The following HELZ2 variants were observed in gnomAD, a reference collection of about 807,000 sequenced individuals.
HELZ2 encodes 3'-5' exoribonuclease HELZ2.
In HELZ2, 143 loss-of-function variants were observed where a neutral mutation model predicts 208.8. The ratio of observed to expected loss-of-function variants is 0.68; its 90% CI spans 0.60 to 0.79. HELZ2 has a LOEUF of 0.79. Among genes scored for constraint, HELZ2 ranks in the 30% least tolerant of loss-of-function variants. HELZ2 has a pLI of 0.00. For synonymous variants in HELZ2, 1,705 were observed against 1,693.7 expected, an observed-to-expected ratio of 1.01 and a Z score of -0.16; for missense variants, 3,690 against 3,794.5, an observed-to-expected ratio of 0.97 and a Z score of 0.72.
intron 3 of HELZ2, 23 bp downstream of exon 4, chr20:63,570,481 A>C (rs2083005856): frequency 6.3e-7 from 1 of 1,595,488 alleles, no homozygotes; most frequent in East Asian, 2.2e-5. Context: ...CCCTCCGCCC[A>C]GTCGGAGCTG....
exon 5 of HELZ2, chr20:63,568,733 C>T (rs971917541): frequency 1.0e-5 from 16 of 1,604,544 alleles, no homozygotes; most frequent in Admixed American, 5.0e-5. Flanking sequence ...CAAGCAGCAG[C>T]GGGCCGGAAG....
chr20:63,568,340 G>T lies in HELZ2; in HGVS notation c.1730+18C>A. On this transcript the variant is annotated intron_variant, in intron 5 of 18. Coordinates refer to ENST00000467148, the Ensembl canonical transcript of HELZ2. ...CCGGGCGTCAGGTGAGGTGGGGGCA[G>T]GCCAGGCTCGGGCTTACCTGTTGGT... The T allele has an allele frequency of 6.3e-7, 1 of 1,591,138 alleles. No individual in the cohort carries two copies. Among genetic ancestry groups the T allele is most frequent in the Non-Finnish European group, 8.6e-7 (1 of 1,162,138 alleles).
In HELZ2 at chr20:63,565,475, G is replaced by T. The variant is rs1256117725; in HGVS notation, c.3347C>A (p.Ala1116Asp). 2.5e-6 allele frequency: 4 copies of T among 1,607,668 alleles called. No individual in the cohort carries two copies. The Admixed American group carries it at 6.7e-5, about 27-fold the overall frequency. ...CGCGTGCAGCAGCTTCCGTAGCGCA[G>T]CCGGGGGCAGGTTCTCGTACAGCCG... The change falls in exon 8 of 19, where the codon GCT becomes GAT. Residue 1116 changes from alanine (A) to aspartate (D), a missense_variant. Physicochemically the swap from Ala to Asp is moderately radical, Grantham distance 126. Transcript: ENST00000467148.
Position 63,564,771 on chromosome 20 carries a change from A to G in HELZ2, c.4051T>C (p.Cys1351Arg), listed in dbSNP as rs765047336. 1.4e-5 allele frequency: 22 copies of G among 1,611,816 alleles called. No individual in the cohort carries two copies. The highest frequency in any genetic ancestry group is 1.7e-5 in the Admixed American group (1 of 59,978). ...ACACTGAGGGCATCATCGAGGTTGC[A>G]GGCGCCCTGGGGGTCCACAGTGAAG... The change falls in exon 8 of 19, where the codon TGC (cysteine) becomes CGC (arginine). Residue 1351 changes from cysteine to arginine, a missense_variant. Cys to Arg is a radical substitution (Grantham distance 180). Around this residue, in one of 3 missense-constraint regions of HELZ2, gnomAD observed 2,564 missense variants for 2,580.5 expected, o/e 0.99. Coordinates refer to ENST00000467148, the Ensembl canonical transcript of HELZ2.
At chr20:63,560,489 ACCT>A in exon 16 of HELZ2, 1 of 1,610,526 alleles carries the variant, frequency 6.2e-7, no homozygotes, top group East Asian at 2.2e-5. Flanking sequence ...CACCTCAGCC[ACCT>A]CCTCCAGGTT....
exon 10 of HELZ2, chr20:63,562,115 C>T: frequency 6.2e-6 from 10 of 1,612,592 alleles, no homozygotes; most frequent in Non-Finnish European, 8.5e-6. Context: ...CCAGAGCCTC[C>T]CTGACCGCCA....
chr20:63,567,149 G>C, exon 6 of HELZ2: 1 of 1,610,480 alleles, frequency 6.2e-7, no homozygotes, highest in Non-Finnish European at 8.5e-7. Flanking sequence ...TGGAAGACCA[G>C]GCGGCTCTGC....
At chr20:63,564,642 C>A (rs763710312) in exon 8 of HELZ2, 9 of 1,565,640 alleles carry the variant, frequency 5.7e-6, no homozygotes, top group Non-Finnish European at 6.9e-6. Flanking sequence ...TAGAACGCAG[C>A]GCCCTGCCTT....
upstream of HELZ2, chr20:63,572,759 C>T (rs1055377898): frequency 1.3e-5 from 3 of 224,764 alleles, no homozygotes; most frequent in Admixed American, 5.5e-5. Flanking sequence ...GTTGTGCTGA[C>T]GCTCGAAGGT....
chr20:63,561,756 T>G lies in HELZ2; in HGVS notation c.6692-11A>C. On this transcript the variant is annotated splice_polypyrimidine_tract_variant and intron_variant, in intron 11 of 18. Transcript: ENST00000467148. ...TTCTCAGGAGCAGTCCTGAGGGTAG[T>G]TGGGGGACGTGAGTCCTGCCCCGCG... 6.3e-7 allele frequency: 1 copy of G among 1,583,204 alleles called. No individual in the cohort carries two copies. The highest frequency in any genetic ancestry group is 1.1e-5 in the South Asian group (1 of 88,092).
At chr20:63,572,075 C>T (rs1267422083) in intron 1 of HELZ2, 33 bp downstream of exon 2, 22 of 1,573,802 alleles carry the variant, frequency 1.4e-5, no homozygotes, top group Non-Finnish European at 1.8e-5. Flanking sequence ...GGGCTCCTGC[C>T]CTACTCCAAG....
At chr20:63,564,971 C>T (rs751630891) in exon 8 of HELZ2, 23 of 1,604,724 alleles carry the variant, frequency 1.4e-5, no homozygotes, top group East Asian at 6.7e-5. Flanking sequence ...CAGCACCTCC[C>T]GGACGATGCC....
exon 2 of HELZ2, chr20:63,570,798 G>A (rs780287876): frequency 2.3e-5 from 37 of 1,610,838 alleles, no homozygotes; most frequent in African/African-American, 8.0e-5. Context: ...TGCGTGCGCC[G>A]GACCCACTCC....
exon 8 of HELZ2, chr20:63,563,011 G>A (rs759412707): frequency 1.9e-5 from 30 of 1,600,548 alleles, no homozygotes; most frequent in Non-Finnish European, 2.4e-5. Context: ...ACTCATCCAC[G>A]TCGCGGTACC....
At chr20:63,559,013 C>T (rs2082845869), downstream of HELZ2, 1 of 479,786 alleles carries the variant, frequency 2.1e-6, no homozygotes, top group Admixed American at 3.9e-5. Context: ...AAGGAAGCCC[C>T]TCTTGGCCAC....
exon 14 of HELZ2, chr20:63,561,115 G>A (rs761098853): frequency 6.2e-7 from 1 of 1,612,884 alleles, no homozygotes; most frequent in Non-Finnish European, 8.5e-7. Flanking sequence ...CCAGGGGGAT[G>A]AGGGTTTCAG....
At chr20:63,560,233 C>T in exon 17 of HELZ2, 1 of 1,558,942 alleles carries the variant, frequency 6.4e-7, no homozygotes, top group South Asian at 1.2e-5. Context: ...AAGGGCCTTG[C>T]TGATCTCAGA....
intron 4 of HELZ2, 44 bp from the exon 6 acceptor site, chr20:63,569,043 G>C (rs769003366): frequency 1.3e-6 from 2 of 1,595,552 alleles, no homozygotes; most frequent in South Asian, 1.1e-5. Context: ...ACAGCTGCCA[G>C]CCCCGCTGCC....
At chr20:63,565,495 C>A in exon 8 of HELZ2, 26 of 1,606,752 alleles carry the variant, frequency 1.6e-5, no homozygotes, top group Non-Finnish European at 2.2e-5. Flanking sequence ...GGTTCTCGTA[C>A]AGCCGGGCCT....
Sources: allele counts gnomAD v4.1 joint callset, GRCh38; gene constraint gnomAD v4.1.1; regional missense constraint gnomAD v4.1.1; transcripts MANE v1.5; gene names NCBI Gene and HGNC (gene_info 2026-07-23, HGNC 2026-07-21).